The following TUBGCP3 variants were observed in gnomAD, a reference collection of about 807,000 sequenced individuals.
TUBGCP3 encodes the protein gamma-tubulin complex component 3.
In TUBGCP3, 50 loss-of-function variants were observed where a neutral mutation model predicts 123.1. The ratio of observed to expected loss-of-function variants is 0.41; its 90% confidence interval spans 0.32 to 0.51. The LOEUF (loss-of-function observed/expected upper bound fraction) is 0.51. TUBGCP3 is among the 20% of genes least tolerant of loss of function. The pLI is 0.36. For missense variants in TUBGCP3, 882 were observed against 1,127.0 expected (o/e 0.78, Z 3.11); for synonymous variants, 405 against 413.9 (o/e 0.98, Z 0.26).
At chr13:112,516,631 T>A (rs1219682899) in intron 16 of TUBGCP3, 56 bp from the exon 17 acceptor site, 1 of 1,539,546 alleles carries the variant, frequency 6.5e-7, no homozygotes. Context: ...ATCCTCTCAG[T>A]ACAGGTCTCA....
At chr13:112,487,383 A>G (rs772759000) in intron 21 of TUBGCP3, among the ~76,000 whole-genome samples, 2 of 152,198 alleles carry the variant, frequency 1.3e-5, no homozygotes, top group Non-Finnish European at 2.9e-5. Context: ...AATCATTACC[A>G]TTCAGATTTA....
intron 19 of TUBGCP3, among the ~76,000 whole-genome samples, chr13:112,502,542 C>CTTCTTTT (rs1880989482): frequency 8.7e-6 from 1 of 114,368 alleles, no homozygotes; most frequent in African/African-American, 3.6e-5. Flanking sequence ...TACATTTCTT[C>CTTCTTTT]TTTTTTTTTT....
At chr13:112,527,271 T>C (rs1877211024) in intron 12 of TUBGCP3, 103 bp downstream of exon 12, 1 of 899,086 alleles carries the variant, frequency 1.1e-6, no homozygotes, top group Non-Finnish European at 1.7e-6. Context: ...ACGTTAACAA[T>C]CTCAAAACGC....
chr13:112,558,466 C>T (rs1278404234), intron 4 of TUBGCP3, 53 bp from the exon 5 acceptor site: 7 of 1,423,942 alleles, frequency 4.9e-6, no homozygotes, highest in Non-Finnish European at 6.6e-6. Context: ...GAACAGTCTT[C>T]CCAAACCTAA....
In TUBGCP3 at chr13:112,583,011, G is replaced by A. The variant is rs139391736; in HGVS notation, c.76+4894C>T. ...CCATCAAATTCAACACTTAAAAGCC[G>A]GGGTGAATTAATTCAAAATATCAAG... On this transcript the variant is annotated intron_variant, in intron 1 of 21. Transcript: ENST00000261965. Among the ~76,000 whole-genome samples, 38 of 152,212 alleles carry A rather than the reference G, an allele frequency of 2.5e-4. No homozygotes were observed. In the East Asian group the frequency reaches 5.2e-3, roughly 21 times the overall value.
chr13:112,493,954 T>C (rs924606713), intron 20 of TUBGCP3, among the ~76,000 whole-genome samples: 1 of 149,850 alleles, frequency 6.7e-6, no homozygotes, highest in Non-Finnish European at 1.5e-5. Context: ...CCTGAGATGC[T>C]CTGGCTATGG....
intron 8 of TUBGCP3, among the ~76,000 whole-genome samples, chr13:112,549,305 G>A (rs534683985): frequency 3.1e-4 from 47 of 151,480 alleles, no homozygotes; most frequent in African/African-American, 1.1e-3. Flanking sequence ...TGGACACAGG[G>A]TGGGGAACTT....
chr13:112,486,981 A>C (rs562577409), intron 21 of TUBGCP3, among the ~76,000 whole-genome samples: 12 of 152,316 alleles, frequency 7.9e-5, no homozygotes, highest in African/African-American at 2.9e-4. Context: ...GCTGAAGCTC[A>C]CAGGCAGGCC....
upstream of TUBGCP3, among the ~76,000 whole-genome samples, chr13:112,588,496 T>C (rs1882790260): frequency 6.6e-6 from 1 of 152,084 alleles, no homozygotes. Flanking sequence ...GAAGCCTGTT[T>C]AAAGGGTGCA....
At chr13:112,562,009 CAG>C (rs1441311209) in intron 3 of TUBGCP3, among the ~76,000 whole-genome samples, 3 of 152,156 alleles carry the variant, frequency 2.0e-5, no homozygotes, top group African/African-American at 7.2e-5. Context: ...TGGACGGAAA[CAG>C]GGAAACCACA....
chr13:112,491,406 T>C (rs945837402), intron 20 of TUBGCP3, among the ~76,000 whole-genome samples: 2 of 152,206 alleles, frequency 1.3e-5, no homozygotes, highest in African/African-American at 4.8e-5. Context: ...AAGTGAGTAC[T>C]GATATGGCAC....
At chr13:112,489,520 C>A in intron 21 of TUBGCP3, 61 bp downstream of exon 21, 1 of 1,193,826 alleles carries the variant, frequency 8.4e-7, no homozygotes. Context: ...GTGAAAGCAA[C>A]TGTCAGGTAC....
chr13:112,488,503 C>T (rs1879828353), intron 21 of TUBGCP3, among the ~76,000 whole-genome samples: 1 of 152,218 alleles, frequency 6.6e-6, no homozygotes, highest in Non-Finnish European at 1.5e-5. Context: ...GCAGCTGTCT[C>T]AGGGACAGTC....
intron 17 of TUBGCP3, among the ~76,000 whole-genome samples, chr13:112,515,339 GC>G (rs755408911): frequency 9.2e-5 from 14 of 152,290 alleles, no homozygotes; most frequent in Non-Finnish European, 1.9e-4. Context: ...CAAGAAAGAT[GC>G]TGCCTCGTGA....
At chr13:112,547,496 T>A in intron 10 of TUBGCP3, 124 bp downstream of exon 10, 1 of 1,325,360 alleles carries the variant, frequency 7.5e-7, no homozygotes, top group Non-Finnish European at 9.7e-7. Flanking sequence ...ACAAAGCGAG[T>A]GCCAGACGCG....
intron 17 of TUBGCP3, among the ~76,000 whole-genome samples, chr13:112,514,468 A>C (rs1381748171): frequency 6.6e-6 from 1 of 152,202 alleles, no homozygotes; most frequent in Non-Finnish European, 1.5e-5. Flanking sequence ...CCTGGGCAAC[A>C]AAGGGGGACC....
intron 13 of TUBGCP3, among the ~76,000 whole-genome samples, chr13:112,526,364 A>T (rs1215275431): frequency 7.3e-6 from 1 of 137,422 alleles, no homozygotes; most frequent in Non-Finnish European, 1.6e-5. Flanking sequence ...CATCACTATC[A>T]TCACACCATC....
chr13:112,583,583 C>T (rs560645692), intron 1 of TUBGCP3, among the ~76,000 whole-genome samples: 1 of 152,340 alleles, frequency 6.6e-6, no homozygotes, highest in African/African-American at 2.4e-5. Context: ...TCTATATACA[C>T]TCAGGTTAAA....
intron 1 of TUBGCP3, among the ~76,000 whole-genome samples, chr13:112,578,024 G>A (rs1444176116): frequency 6.6e-6 from 1 of 152,176 alleles, no homozygotes; most frequent in Admixed American, 6.5e-5. Flanking sequence ...TTGCATGTCT[G>A]ACTAACGTAA....
Sources: allele counts gnomAD v4.1 joint callset (sites outside exome capture counted in the v4.1 genomes callset), GRCh38; gene constraint gnomAD v4.1.1; transcripts MANE v1.5; gene names NCBI Gene and HGNC (gene_info 2026-07-23, HGNC 2026-07-21).